The following TNN variants were observed in gnomAD, a reference collection of about 807,000 sequenced individuals.
TNN encodes tenascin N, also known as tenascin-N.
Under a neutral mutation model 134.4 loss-of-function variants are expected in TNN, and 122 were observed. That is an observed-to-expected ratio of 0.91 (90% confidence interval 0.78 to 1.06). The LOEUF is 1.06. Ranked by LOEUF, TNN falls within the 50% of genes least tolerant of loss-of-function variation. The pLI is 0.00. For synonymous variants in TNN, 710 were observed against 670.3 expected (o/e 1.06, Z -0.91); for missense variants, 1,739 against 1,699.4 (o/e 1.02, Z -0.41).
chr1:175,096,326 G>A (rs139654157), intron 7 of TNN, among the ~76,000 whole-genome samples: 2 of 152,168 alleles, frequency 1.3e-5, no homozygotes, highest in Non-Finnish European at 1.5e-5. Context: ...ATGGAGGGCC[G>A]GTCTGTGTGT....
chr1:175,080,251 C>A lies in TNN; in HGVS notation c.873C>A (p.Tyr291Ter). ...SWEPSSQVDH[Y>*]LLSYYPLGKE... ...AGCCCTCCAGCCAGGTGGATCACTA[C>A]CTCCTCAGCTACTACCCCCTGGGGA... Residue 291 changes from tyrosine to a stop codon, truncating the protein, a stop_gained, in exon 4 of 19, where the codon TAC becomes TAA. Transcript: ENST00000239462. LOFTEE classifies it high-confidence loss of function. 1 of 1,614,152 alleles carries A rather than the reference C, an allele frequency of 6.2e-7. No homozygotes were observed. The highest frequency in any genetic ancestry group is 8.5e-7 in the Non-Finnish European group (1 of 1,180,018).
chr1:175,131,513 A>C (rs1400702173), intron 15 of TNN, among the ~76,000 whole-genome samples: 1 of 152,152 alleles, frequency 6.6e-6, no homozygotes, highest in Non-Finnish European at 1.5e-5. Context: ...GGGTGTTTTC[A>C]TCTCATAGAA....
chr1:175,109,180 C>G (rs1305922037), intron 9 of TNN, among the ~76,000 whole-genome samples: 1 of 140,004 alleles, frequency 7.1e-6, no homozygotes, highest in African/African-American at 2.7e-5. Context: ...GCTCCGCTTC[C>G]CGGGTTCACG....
chr1:175,095,907 A>AG (rs1174166032), intron 7 of TNN, among the ~76,000 whole-genome samples: 1 of 152,250 alleles, frequency 6.6e-6, no homozygotes, highest in African/African-American at 2.4e-5. Context: ...GGAATAGAGA[A>AG]GAACCTTCCC....
At chr1:175,145,158 G>C (rs926203764) in intron 18 of TNN, among the ~76,000 whole-genome samples, 1 of 151,992 alleles carries the variant, frequency 6.6e-6, no homozygotes, top group Non-Finnish European at 1.5e-5. Context: ...ATGTTGGTGG[G>C]GGGTGGTTAG....
In TNN at chr1:175,067,843, C is replaced by G. The variant is rs1414746291; in HGVS notation, c.-128C>G. The G allele has an allele frequency of 6.1e-6, 3 of 495,108 alleles. No homozygotes were observed. The highest frequency in any genetic ancestry group is 1.2e-5 in the Non-Finnish European group (3 of 248,596). The allele number at this position is 495,108 out of a possible 1,614,324, so 30.7% of individuals were successfully genotyped here. ...AAGGGAAGCCAAGGAGAGACGAGAACCAGGGACGACCAGCAAGTACCAAGG... is the reference window on the plus strand; with the variant it reads ...AAGGGAAGCCAAGGAGAGACGAGAAGCAGGGACGACCAGCAAGTACCAAGG... On this transcript the variant is annotated 5_prime_UTR_variant, in exon 1 of 19. Coordinates refer to ENST00000239462, the MANE Select transcript of TNN (RefSeq NM_022093.2).
chr1:175,128,724 A>AAAC lies in TNN; in HGVS notation c.3309_3311dup (p.Thr1104dup). ...CCCCTGCAGGTGTACTGTGACATGGAAACGGACGGAGGTGGCTGGATTGTG... is the reference window on the plus strand; with the variant it reads ...CCCCTGCAGGTGTACTGTGACATGGAAACAACGGACGGAGGTGGCTGGATTGTG... On this transcript the variant is annotated inframe_insertion, in exon 15 of 19. Transcript: ENST00000239462. 1 of 1,613,692 alleles carries AAAC rather than the reference A, an allele frequency of 6.2e-7. No individual in the cohort carries two copies. The highest frequency in any genetic ancestry group is 1.1e-5 in the South Asian group (1 of 91,008).
At chr1:175,129,768 G>A (rs975954886) in intron 15 of TNN, among the ~76,000 whole-genome samples, 4 of 152,120 alleles carry the variant, frequency 2.6e-5, no homozygotes, top group Non-Finnish European at 5.9e-5. Context: ...GGTCTTCTCA[G>A]TGAGTTCATC....
chr1:175,144,885 A>G (rs946309117), intron 18 of TNN, among the ~76,000 whole-genome samples: 1 of 152,224 alleles, frequency 6.6e-6, no homozygotes, highest in African/African-American at 2.4e-5. Context: ...CTGCTGTAAC[A>G]AAATAACACA....
Position 175,112,552 on chromosome 1 carries a change from G to A in TNN, c.2120-4387G>A, listed in dbSNP as rs891959109. On this transcript the variant is annotated intron_variant, in intron 9 of 18. Transcript: ENST00000239462. ...AGGTGAAGGAAGATTCTTGTAGGTA[G>A]CACATAAGTGGGTCATTTTTTTAAA... 1.1e-4 allele frequency among the ~76,000 whole-genome samples: 14 copies of A among 133,262 alleles called. No homozygotes were observed. The East Asian group carries it at 2.3e-3, about 22-fold the overall frequency. The allele number at this position is 133,262 out of a possible 152,430, so 87.4% of individuals were successfully genotyped here. A position where few individuals can be genotyped will look rare whatever the true frequency, so the allele number is the denominator to read the frequency against.
At chr1:175,110,672 C>T (rs562419857) in intron 9 of TNN, among the ~76,000 whole-genome samples, 36 of 152,162 alleles carry the variant, frequency 2.4e-4, no homozygotes, top group Non-Finnish European at 5.0e-4. Flanking sequence ...AATCAGTTGG[C>T]AGTAAATATG....
At chr1:175,068,370 T>C (rs1182377785) in intron 1 of TNN, among the ~76,000 whole-genome samples, 1 of 152,202 alleles carries the variant, frequency 6.6e-6, no homozygotes, top group Non-Finnish European at 1.5e-5. Context: ...TTCTTTTAAA[T>C]CCTAAAACAG....
chr1:175,144,421 T>C lies in TNN; in HGVS notation c.3630T>C (p.Phe1210=). 6.2e-7 allele frequency: 1 copy of C among 1,614,160 alleles called. No homozygotes were observed. The highest frequency in any genetic ancestry group is 8.5e-7 in the Non-Finnish European group (1 of 1,180,000). ...DALTYHNGWK[F]TTFDRDNDIA... ...TTACTTACCACAATGGATGGAAGTT[T>C]ACAACTTTTGACAGAGACAATGATA... The change falls in exon 18 of 19, where the codon TTT becomes TTC. Residue 1210 remains phenylalanine, a synonymous_variant. Transcript: ENST00000239462.
chr1:175,079,106 A>G (rs994330580), intron 2 of TNN, among the ~76,000 whole-genome samples: 1 of 152,176 alleles, frequency 6.6e-6, no homozygotes, highest in Non-Finnish European at 1.5e-5. Flanking sequence ...AGACGTTTGC[A>G]GATGTCACAG....
Position 175,118,603 on chromosome 1 carries a change from A to G in TNN, c.2429A>G (p.Glu810Gly). 1 of 1,614,136 alleles carries G rather than the reference A, an allele frequency of 6.2e-7. No homozygotes were observed. The highest frequency in any genetic ancestry group is 8.5e-7 in the Non-Finnish European group (1 of 1,180,014). Residue 810 changes from glutamate to glycine, a missense_variant, in exon 11 of 19, where the codon GAG (glutamate) becomes GGG (glycine). Transcript: ENST00000239462. ...AACCTGGTCACTGACTGGGTGACAG[A>G]GAATACAGCCACTGTCTCCTGGGAC... is the stretch of plus-strand genomic sequence containing the variant. ...PQNLVTDWVT[E>G]NTATVSWDPV...
Position 175,077,499 on chromosome 1 carries a change from T to A in TNN, c.81T>A (p.Thr27=). ...TCCTGGTGGCTTCGGCCCCAGCCAC[T>A]CTGGAGCCTCCCGGCTGCAGCAACA... ...SVLLVASAPA[T]LEPPGCSNKE... Residue 27 remains threonine, a synonymous_variant, in exon 2 of 19, where the codon ACT becomes ACA. Coordinates refer to ENST00000239462, the MANE Select transcript of TNN (RefSeq NM_022093.2). The A allele has an allele frequency of 6.2e-7, 1 of 1,613,948 alleles. No individual in the cohort carries two copies. The highest frequency in any genetic ancestry group is 8.5e-7 in the Non-Finnish European group (1 of 1,180,022).
At position 175,102,698 on chromosome 1, in the gene TNN, G is replaced by C. The variant is rs916306356; in HGVS notation, c.2119+4103G>C. ...CGCGCCTCTCCCTCCACACCTCCCC[G>C]CAAGCTGAGGGAGTGGGCTCCAGCC... On this transcript the variant is annotated intron_variant, in intron 9 of 18. Coordinates refer to ENST00000239462, the MANE Select transcript of TNN (RefSeq NM_022093.2). 1.4e-5 allele frequency among the ~76,000 whole-genome samples: 2 copies of C among 146,018 alleles called. 1 individual carries two copies. The highest frequency in any genetic ancestry group is 4.6e-4 in the South Asian group (2 of 4,338).
intron 7 of TNN, among the ~76,000 whole-genome samples, chr1:175,096,714 T>A (rs1674580172): frequency 6.6e-6 from 1 of 152,236 alleles, no homozygotes. Context: ...TGCTATGCAA[T>A]ATCTCATTTA....
chr1:175,100,295 T>G (rs1674686373), intron 9 of TNN, among the ~76,000 whole-genome samples: 1 of 152,194 alleles, frequency 6.6e-6, no homozygotes, highest in African/African-American at 2.4e-5. Flanking sequence ...CACACTGAGT[T>G]GTGACAACCA....
Sources: gnomAD v4.1 joint callset for allele counts (sites outside exome capture counted in the v4.1 genomes callset) on GRCh38, gnomAD v4.1.1 for gene constraint, MANE v1.5 for transcripts, NCBI Gene and HGNC (gene_info 2026-07-23, HGNC 2026-07-21) for gene names.